Variants in ACACA observed in about 807,000 individuals in gnomAD.
The protein encoded by ACACA is acetyl-CoA carboxylase alpha, also known as acetyl-CoA carboxylase 1.
A neutral mutation model predicts 296.1 loss-of-function variants in ACACA; 103 were observed. That is an observed-to-expected ratio of 0.35 (90% CI 0.30 to 0.41). The LOEUF (loss-of-function observed/expected upper bound fraction) is 0.41. Ranked by LOEUF, ACACA falls within the 10% of genes least tolerant of loss-of-function variation. ACACA has a pLI of 1.00. For synonymous variants in ACACA, 953 were observed against 1,038.6 expected (o/e 0.92, Z 1.58); for missense variants, 1,554 against 2,989.7 (o/e 0.52, Z 11.20).
At chr17:37,324,268 A>C (rs931329449) in intron 3 of ACACA, among the ~76,000 whole-genome samples, 2 of 152,066 alleles carry the variant, frequency 1.3e-5, no homozygotes, top group Non-Finnish European at 2.9e-5. Flanking sequence ...GGGGAGGCTG[A>C]GGCAGGAGAA....
intron 41 of ACACA, among the ~76,000 whole-genome samples, chr17:37,165,315 A>G (rs2076623401): frequency 1.3e-5 from 2 of 152,184 alleles, no homozygotes; most frequent in Non-Finnish European, 2.9e-5. Flanking sequence ...AGGGCATATA[A>G]AGGTGAACAT....
chr17:37,192,086 C>T lies in ACACA; in HGVS notation c.4416+4G>A, dbSNP rs1364985324. 3 of 1,613,714 alleles carry T rather than the reference C, an allele frequency of 1.9e-6. No individual in the cohort carries two copies. In the African/African-American group the frequency reaches 4.0e-5, roughly 22 times the overall value. On this transcript the variant is annotated splice_donor_region_variant and intron_variant, in intron 37 of 55. Transcript: ENST00000616317. ...ATAACATCCCATTAAAGTACAGCAC[C>T]CACCTTGGTGACCAGATCAGAATGC...
intron 5 of ACACA, among the ~76,000 whole-genome samples, 192 bp downstream of exon 5, chr17:37,283,075 G>A (rs1327616158): frequency 2.0e-5 from 3 of 152,140 alleles, no homozygotes; most frequent in Non-Finnish European, 4.4e-5. Context: ...AATCTGTATT[G>A]AGGTTGACTA....
chr17:37,158,000 A>G (rs2076319992), intron 42 of ACACA, among the ~76,000 whole-genome samples: 1 of 152,148 alleles, frequency 6.6e-6, no homozygotes, highest in African/African-American at 2.4e-5. Context: ...AAGTACTCAG[A>G]TTCTGGATAT....
At chr17:37,159,179 T>A (rs1411448261) in intron 42 of ACACA, among the ~76,000 whole-genome samples, 1 of 146,970 alleles carries the variant, frequency 6.8e-6, no homozygotes, top group Non-Finnish European at 1.5e-5. Context: ...CCCTGTCTCT[T>A]AAAAAAAAAA....
Position 37,263,694 on chromosome 17 carries a change from G to A in ACACA, c.1320C>T (p.His440=). 1.2e-6 allele frequency: 2 copies of A among 1,613,554 alleles called. No homozygotes were observed. Among genetic ancestry groups the A allele is most frequent in the Non-Finnish European group, 8.5e-7 (1 of 1,179,514 alleles). ...CTTTTAATATATGTACCTGTTCCAT[G>A]TGTTCAAATACTGCTGGAGTAGCAA... ...ATIATPAVFE[H]MEQCAVKLAK... Residue 440 remains histidine, a synonymous_variant, in exon 11 of 56, where the codon CAC becomes CAT. Transcript: ENST00000616317.
chr17:37,398,448 T>A (rs954202257), intron 1 of ACACA, among the ~76,000 whole-genome samples: 2 of 136,940 alleles, frequency 1.5e-5, no homozygotes, highest in Non-Finnish European at 1.6e-5. Flanking sequence ...CACCATGCCC[T>A]GCTAATTTTG....
At chr17:37,262,203 C>T (rs577074638) in intron 11 of ACACA, among the ~76,000 whole-genome samples, 1 of 152,124 alleles carries the variant, frequency 6.6e-6, no homozygotes, top group Non-Finnish European at 1.5e-5. Context: ...GGAATAAAAT[C>T]GAAATTTTTG....
intron 41 of ACACA, among the ~76,000 whole-genome samples, chr17:37,174,008 A>ATT (rs2077001507): frequency 1.6e-4 from 2 of 12,476 alleles, no homozygotes; most frequent in Non-Finnish European, 1.3e-4. Flanking sequence ...ATATATATAT[A>ATT]TATATATATA....
chr17:37,298,323 G>C (rs1292578313), intron 3 of ACACA, among the ~76,000 whole-genome samples: 1 of 152,092 alleles, frequency 6.6e-6, no homozygotes, highest in Non-Finnish European at 1.5e-5. Context: ...CTTTGCCTAA[G>C]TTTAGTTTAA....
rs2072434733 is a variant in ACACA, at chr17:37,089,150, G to A, written c.6892-76C>T. On this transcript the variant is annotated intron_variant, in intron 54 of 55. Transcript: ENST00000616317. The stretch of plus-strand genomic sequence containing the variant: ...ACACCCTGACTATTCAGGATCTGGA[G>A]TGCTTGCTTACTCCAAAAGTGTGCT... 11 of 1,603,918 alleles carry A rather than the reference G, an allele frequency of 6.9e-6. No individual in the cohort carries two copies. The South Asian group carries it at 1.1e-4, about 16-fold the overall frequency.
chr17:37,337,225 C>G (rs2048161252), intron 2 of ACACA, among the ~76,000 whole-genome samples: 1 of 152,090 alleles, frequency 6.6e-6, no homozygotes, highest in Admixed American at 6.5e-5. Flanking sequence ...CCAGCCTGGG[C>G]ACTATAGTGA....
chr17:37,352,384 G>A (rs955167537), intron 1 of ACACA, among the ~76,000 whole-genome samples: 5 of 152,130 alleles, frequency 3.3e-5, no homozygotes, highest in South Asian at 2.1e-4. Context: ...ATTTACGCTC[G>A]TAATCTTATT....
intron 41 of ACACA, among the ~76,000 whole-genome samples, chr17:37,176,837 A>T (rs2077134347): frequency 6.6e-6 from 1 of 152,220 alleles, no homozygotes. Flanking sequence ...GTGCCCTATA[A>T]TCTAGCTAAG....
chr17:37,254,828 C>A (rs1373520368), intron 14 of ACACA, among the ~76,000 whole-genome samples: 3 of 139,088 alleles, frequency 2.2e-5, no homozygotes, highest in Non-Finnish European at 4.7e-5. Context: ...ACTACAAATA[C>A]AAAAACTAGC....
At chr17:37,382,524 G>A (rs1291473621) in intron 1 of ACACA, among the ~76,000 whole-genome samples, 1 of 152,060 alleles carries the variant, frequency 6.6e-6, no homozygotes, top group Non-Finnish European at 1.5e-5. Flanking sequence ...CTAAAACTGG[G>A]AAATAAGTGG....
chr17:37,306,911 TG>T (rs1006775876), intron 3 of ACACA, among the ~76,000 whole-genome samples: 2 of 152,124 alleles, frequency 1.3e-5, no homozygotes, highest in Admixed American at 1.3e-4. Context: ...TTGGCCAGGC[TG>T]GTCTTGAACT....
chr17:37,376,138 G>T, intron 1 of ACACA: 2 of 1,611,830 alleles, frequency 1.2e-6, no homozygotes, highest in South Asian at 2.2e-5. Context: ...ATCCTATGAT[G>T]CCAACAAGAA....
intron 1 of ACACA, among the ~76,000 whole-genome samples, chr17:37,350,593 A>C (rs1392828030): frequency 6.6e-6 from 1 of 152,144 alleles, no homozygotes; most frequent in Non-Finnish European, 1.5e-5. Flanking sequence ...TAATCCTAGC[A>C]CTTTGGGAGG....
Sources: gnomAD v4.1 joint callset for allele counts (sites outside exome capture counted in the v4.1 genomes callset) on GRCh38, gnomAD v4.1.1 for gene constraint, MANE v1.5 for transcripts, NCBI Gene and HGNC (gene_info 2026-07-23, HGNC 2026-07-21) for gene names.